RNF214: variants seen among roughly 807,000 people sequenced by gnomAD.
RNF214 encodes ring finger protein 214.
In RNF214, 25 loss-of-function variants were observed where a neutral mutation model predicts 75.9. The observed-to-expected ratio is 0.33, with a 90% confidence interval of 0.24 to 0.46. The LOEUF is 0.46. Among genes scored for constraint, RNF214 ranks in the 20% least tolerant of loss-of-function variants. The probability of loss-of-function intolerance (pLI) is 1.00; values close to 1 mark genes in which losing one functional copy is unlikely to be tolerated. For synonymous variants in RNF214, 314 were observed against 308.8 expected, an observed-to-expected ratio of 1.02 and a Z score of -0.18; for missense variants, 725 against 857.5, an observed-to-expected ratio of 0.85 and a Z score of 1.93.
Position 117,280,222 on chromosome 11 carries a change from G to A in RNF214, c.1108G>A (p.Ala370Thr). 1 of 1,613,810 alleles carries A rather than the reference G, an allele frequency of 6.2e-7. No individual in the cohort carries two copies. The highest frequency in any genetic ancestry group is 8.5e-7 in the Non-Finnish European group (1 of 1,179,700). ...KELLVLKLEEAEKEAELHLTY... is the reference protein window; with the variant it reads ...KELLVLKLEETEKEAELHLTY... The stretch of plus-strand genomic sequence containing the variant: ...GTTACTGGTACTGAAACTAGAAGAA[G>A]CAGAAAAAGAGGCAGAATTGCACCT... The change falls in exon 8 of 15, where the codon GCA becomes ACA. Residue 370 changes from alanine (A) to threonine (T), a missense_variant. By Grantham distance (58) the Ala-to-Thr change is moderately conservative. Around this residue, in one of 2 missense-constraint regions of RNF214, gnomAD observed 363 missense variants for 513.0 expected, o/e 0.71. Transcript: ENST00000300650.
intron 12 of RNF214, 84 bp from the exon 13 acceptor site, chr11:117,282,662 C>G: frequency 6.5e-7 from 1 of 1,547,322 alleles, no homozygotes; most frequent in Non-Finnish European, 8.9e-7. Context: ...TTTTCCTTTC[C>G]TGGACTGGGA....
chr11:117,281,466 T>C, intron 9 of RNF214, 62 bp downstream of exon 9: 3 of 1,442,532 alleles, frequency 2.1e-6, no homozygotes, highest in Middle Eastern at 1.7e-4. Flanking sequence ...CTTCCAGCAA[T>C]TGGGAGGTAG....
intron 6 of RNF214, among the ~76,000 whole-genome samples, chr11:117,268,106 T>C (rs963226947): frequency 1.3e-5 from 2 of 152,250 alleles, no homozygotes; most frequent in Admixed American, 1.3e-4. Flanking sequence ...GTAAGAGGAC[T>C]TGACAGCACC....
chr11:117,280,203 G>A lies in RNF214; in HGVS notation c.1089G>A (p.Leu363=). ...ILSLESRKEL[L]VLKLEEAEKE... The stretch of plus-strand genomic sequence containing the variant: ...CACTAGAGAGCCGGAAAGAGTTACT[G>A]GTACTGAAACTAGAAGAAGCAGAAA... The change falls in exon 8 of 15, where the codon CTG becomes CTA. Residue 363 remains leucine (L), a synonymous_variant. Transcript: ENST00000300650. The A allele has an allele frequency of 6.2e-7, 1 of 1,613,690 alleles. No homozygotes were observed. The highest frequency in any genetic ancestry group is 8.5e-7 in the Non-Finnish European group (1 of 1,179,644).
At chr11:117,240,548 C>T (rs959279192) in intron 4 of RNF214, among the ~76,000 whole-genome samples, 4 of 150,966 alleles carry the variant, frequency 2.6e-5, no homozygotes, top group Admixed American at 6.6e-5. Flanking sequence ...ATTAGCCGGG[C>T]GTGGTGGTGT....
At chr11:117,259,911 T>C (rs775016241) in intron 6 of RNF214, among the ~76,000 whole-genome samples, 15 of 152,218 alleles carry the variant, frequency 9.9e-5, no homozygotes, top group Non-Finnish European at 2.1e-4. Context: ...GGTGAAATAA[T>C]GTCTAATTCA....
Position 117,281,299 on chromosome 11 carries a change from T to C in RNF214, c.1146-15T>C, listed in dbSNP as rs2034122917. On this transcript the variant is annotated splice_polypyrimidine_tract_variant and intron_variant, in intron 8 of 14. Transcript: ENST00000300650. ...CTTTCTTTAAATCTGTAAATTCCTGTTGGTTTCTTGAAAGGTCAACTCCCC... is the reference window on the plus strand; with the variant it reads ...CTTTCTTTAAATCTGTAAATTCCTGCTGGTTTCTTGAAAGGTCAACTCCCC... 1 of 1,593,736 alleles carries C rather than the reference T, an allele frequency of 6.3e-7. No homozygotes were observed. The highest frequency in any genetic ancestry group is 8.6e-7 in the Non-Finnish European group (1 of 1,161,710).
chr11:117,264,192 G>A (rs1025890195), intron 6 of RNF214, among the ~76,000 whole-genome samples: 8 of 152,086 alleles, frequency 5.3e-5, no homozygotes, highest in African/African-American at 1.2e-4. Flanking sequence ...TCGTGGTGGC[G>A]GGCGCCTGTG....
chr11:117,282,372 G>A, intron 11 of RNF214, 32 bp from the exon 12 acceptor site: 1 of 1,611,592 alleles, frequency 6.2e-7, no homozygotes, highest in Non-Finnish European at 8.5e-7. Flanking sequence ...TATAGCATAG[G>A]CTTTCTCTCC....
intron 4 of RNF214, among the ~76,000 whole-genome samples, chr11:117,242,903 T>C (rs1163794505): frequency 6.6e-6 from 1 of 152,188 alleles, no homozygotes; most frequent in African/African-American, 2.4e-5. Context: ...AAGATCCTCT[T>C]TCAGAATCTT....
At chr11:117,248,300 T>C (rs997957296) in intron 6 of RNF214, among the ~76,000 whole-genome samples, 2 of 152,118 alleles carry the variant, frequency 1.3e-5, no homozygotes, top group African/African-American at 4.8e-5. Context: ...ATGGTCTCGA[T>C]CTCCTGACCT....
At chr11:117,272,920 TTATC>T (rs780200120) in intron 6 of RNF214, among the ~76,000 whole-genome samples, 101 of 152,302 alleles carry the variant, frequency 6.6e-4, no homozygotes, top group Non-Finnish European at 1.3e-3. Flanking sequence ...TATATGGATT[TTATC>T]TATCAGTATA....
intron 6 of RNF214, among the ~76,000 whole-genome samples, chr11:117,272,088 C>A (rs1438047871): frequency 6.6e-6 from 1 of 152,076 alleles, no homozygotes; most frequent in African/African-American, 2.4e-5. Flanking sequence ...TGCTGGTAGC[C>A]AGGCATGGTG....
chr11:117,237,633 C>T (rs1227860834), intron 2 of RNF214, among the ~76,000 whole-genome samples: 1 of 152,072 alleles, frequency 6.6e-6, no homozygotes, highest in Non-Finnish European at 1.5e-5. Flanking sequence ...TCACTTCAGC[C>T]TGGGTGACAA....
intron 6 of RNF214, among the ~76,000 whole-genome samples, chr11:117,273,322 C>T (rs985374322): frequency 6.6e-6 from 1 of 151,846 alleles, no homozygotes; most frequent in Non-Finnish European, 1.5e-5. Context: ...GATCTGAAAC[C>T]ACATCAATAA....
intron 14 of RNF214, among the ~76,000 whole-genome samples, chr11:117,283,696 T>G (rs1478658127): frequency 6.6e-6 from 1 of 152,042 alleles, no homozygotes; most frequent in Non-Finnish European, 1.5e-5. Flanking sequence ...GGTTTCTTTC[T>G]GTTGCCCAGA....
Position 117,282,111 on chromosome 11 carries a change from T to C in RNF214, c.1553T>C (p.Val518Ala), listed in dbSNP as rs1201614161. ...GRNSPGLGSL[V>A]SPHGPHMPPA... The stretch of plus-strand genomic sequence containing the variant: ...AATAGCCCTGGCTTGGGTTCCCTTG[T>C]CAGCCCCCACGGTCCACACATGCCC... The change falls in exon 11 of 15, where the codon GTC becomes GCC. Residue 518 changes from valine (V) to alanine (A), a missense_variant. Val to Ala is a moderately conservative substitution (Grantham distance 64). Transcript: ENST00000300650. The C allele has an allele frequency of 6.2e-7, 1 of 1,613,940 alleles. No individual in the cohort carries two copies. Among genetic ancestry groups the C allele is most frequent in the Non-Finnish European group, 8.5e-7 (1 of 1,180,010 alleles).
At chr11:117,255,049 G>A (rs1182289745) in intron 6 of RNF214, among the ~76,000 whole-genome samples, 1 of 152,106 alleles carries the variant, frequency 6.6e-6, no homozygotes, top group African/African-American at 2.4e-5. Context: ...TGTATTTTTA[G>A]TAGAGACAAG....
At chr11:117,244,399 TG>T in intron 4 of RNF214, 45 bp from the exon 5 acceptor site, 1 of 1,549,878 alleles carries the variant, frequency 6.5e-7, no homozygotes, top group Non-Finnish European at 8.9e-7. Flanking sequence ...GAATGTTTCT[TG>T]TGATTAAATT....
Sources: allele counts gnomAD v4.1 joint callset (sites outside exome capture counted in the v4.1 genomes callset), GRCh38; gene constraint gnomAD v4.1.1; regional missense constraint gnomAD v4.1.1; transcripts MANE v1.5; gene names NCBI Gene and HGNC (gene_info 2026-07-23, HGNC 2026-07-21).